The following PGM5 variants were observed in gnomAD, a reference collection of about 807,000 sequenced individuals.
The protein encoded by PGM5 is phosphoglucomutase-like protein 5.
A neutral mutation model predicts 59.2 loss-of-function variants in PGM5; 23 were observed. The ratio of observed to expected loss-of-function variants is 0.39; its 90% CI spans 0.28 to 0.55. PGM5 has a LOEUF of 0.55. Among genes scored for constraint, PGM5 ranks in the 20% least tolerant of loss-of-function variants. The probability of loss-of-function intolerance (pLI) is 0.66; values close to 1 mark genes in which losing one functional copy is unlikely to be tolerated. For missense variants in PGM5, 574 were observed against 748.3 expected (o/e 0.77, Z 2.72); for synonymous variants, 214 against 286.0 (o/e 0.75, Z 2.54).
intron 1 of PGM5, among the ~76,000 whole-genome samples, chr9:68,362,447 T>C (rs1834594063): frequency 6.6e-6 from 1 of 152,258 alleles, no homozygotes; most frequent in Admixed American, 6.5e-5. Context: ...AACTTACATT[T>C]AAAAATTCCC....
rs376664066 is a variant in PGM5 at position 68,489,071 on chromosome 9, T to G, written c.1479+5023T>G. 3.1e-4 allele frequency among the ~76,000 whole-genome samples: 47 copies of G among 152,296 alleles called. 1 individual carries two copies. In the South Asian group the frequency reaches 7.9e-3, roughly 25 times the overall value. ...TTTCCATCCATCATGCTAGGTGAGC[T>G]CTTTCTTCCCTTCACCATCGATACC... On this transcript the variant is annotated intron_variant, in intron 9 of 10. Transcript: ENST00000396396.
chr9:68,362,895 G>T, intron 1 of PGM5, among the ~76,000 whole-genome samples: 1 of 119,796 alleles, frequency 8.3e-6, no homozygotes. Flanking sequence ...TTGAGATGGA[G>T]TCTTGCTCTG....
In PGM5 at chr9:68,483,240, A is replaced by G. The variant is rs997253145; in HGVS notation, c.1296-625A>G. Among the ~76,000 whole-genome samples the G allele has an allele frequency of 5.9e-5, 9 of 152,374 alleles. No homozygotes were observed. The South Asian group carries it at 1.9e-3, about 32-fold the overall frequency. On this transcript the variant is annotated intron_variant, in intron 8 of 10. Coordinates refer to ENST00000396396, the MANE Select transcript of PGM5 (RefSeq NM_021965.4). Reference sequence around the variant, plus strand: ...GTAAACAAATATACAAACAAGATACATACAGTTTGGGATAACTACCAAAAG... The same window carrying G: ...GTAAACAAATATACAAACAAGATACGTACAGTTTGGGATAACTACCAAAAG...
At chr9:68,529,471 G>A in intron 10 of PGM5, 96 bp from the exon 11 acceptor site, 14 of 837,772 alleles carry the variant, frequency 1.7e-5, no homozygotes. Context: ...CAGTGAATTG[G>A]AATCTGAGTC....
At chr9:68,444,384 T>C (rs1554683888) in intron 6 of PGM5, among the ~76,000 whole-genome samples, 1 of 152,174 alleles carries the variant, frequency 6.6e-6, no homozygotes, top group African/African-American at 2.4e-5. Context: ...CAAGTAGAAT[T>C]ATTGGGGTGC....
chr9:68,498,294 G>A (rs182618100), intron 9 of PGM5: 1 of 152,166 alleles, frequency 6.6e-6, no homozygotes, highest in Admixed American at 6.5e-5. Flanking sequence ...GTTTATAGAT[G>A]CAGTCACCCC....
chr9:68,483,229 A>G (rs1587206695), intron 8 of PGM5, among the ~76,000 whole-genome samples: 1 of 152,230 alleles, frequency 6.6e-6, no homozygotes, highest in East Asian at 1.9e-4. Flanking sequence ...ACAAATATAC[A>G]AACAAGATAC....
chr9:68,376,821 C>CTTTCTG (rs1554677772), intron 1 of PGM5, among the ~76,000 whole-genome samples: 1 of 111,176 alleles, frequency 9.0e-6, no homozygotes, highest in African/African-American at 3.7e-5. Context: ...TTCTTTCTTT[C>CTTTCTG]TTTCTTTCTT....
chr9:68,371,705 T>C (rs1370768482), intron 1 of PGM5: 1 of 152,146 alleles, frequency 6.6e-6, no homozygotes, highest in Admixed American at 6.5e-5. Context: ...TCAAGTTGAG[T>C]GCTTTTTCTT....
chr9:68,382,231 A>G (rs1368852826), intron 2 of PGM5, among the ~76,000 whole-genome samples: 1 of 150,320 alleles, frequency 6.7e-6, no homozygotes, highest in Non-Finnish European at 1.5e-5. Flanking sequence ...TATATAGTCA[A>G]GTAATTTTGG....
chr9:68,528,181 CCCAAACT>C (rs1415265211), intron 10 of PGM5, among the ~76,000 whole-genome samples: 6 of 152,172 alleles, frequency 3.9e-5, no homozygotes, highest in African/African-American at 1.2e-4. Context: ...CCTAATATTA[CCCAAACT>C]TCTTTTCTAT....
At chr9:68,484,862 G>A (rs1337289057) in intron 9 of PGM5, among the ~76,000 whole-genome samples, 4 of 152,134 alleles carry the variant, frequency 2.6e-5, no homozygotes, top group African/African-American at 7.2e-5. Context: ...TTGAGCCCCC[G>A]TGCCCTGGAT....
intron 1 of PGM5, chr9:68,357,822 A>G: frequency 4.0e-6 from 1 of 250,540 alleles, no homozygotes; most frequent in Non-Finnish European, 7.8e-6. Context: ...CAGGCTCACA[A>G]CATAGTCCCT....
intron 10 of PGM5, among the ~76,000 whole-genome samples, chr9:68,514,097 C>T (rs980516913): frequency 4.6e-5 from 7 of 152,162 alleles, no homozygotes; most frequent in Non-Finnish European, 7.3e-5. Context: ...AATCTCGGGC[C>T]CCAACCCAGA....
chr9:68,528,433 C>A (rs1279606739), intron 10 of PGM5, among the ~76,000 whole-genome samples: 1 of 151,982 alleles, frequency 6.6e-6, no homozygotes, highest in Middle Eastern at 3.2e-3. Context: ...TGTAGAGATG[C>A]GGTCTATGTT....
chr9:68,486,165 A>G (rs1175329955), intron 9 of PGM5, among the ~76,000 whole-genome samples: 3 of 152,214 alleles, frequency 2.0e-5, no homozygotes, highest in African/African-American at 4.8e-5. Context: ...ATAACCATTA[A>G]GTACCTTGGT....
intron 6 of PGM5, among the ~76,000 whole-genome samples, chr9:68,456,299 T>C (rs1347108478): frequency 6.7e-6 from 1 of 149,048 alleles, no homozygotes; most frequent in Admixed American, 6.6e-5. Context: ...TTTTTTTTTC[T>C]TTTTTTTTGG....
intron 6 of PGM5, among the ~76,000 whole-genome samples, chr9:68,417,591 G>A (rs1233810965): frequency 6.6e-6 from 1 of 152,090 alleles, no homozygotes; most frequent in Admixed American, 6.6e-5. Context: ...AGTATATTGA[G>A]AAGTAAAATT....
chr9:68,422,705 A>C (rs932514391), intron 6 of PGM5, among the ~76,000 whole-genome samples: 1 of 152,214 alleles, frequency 6.6e-6, no homozygotes, highest in African/African-American at 2.4e-5. Flanking sequence ...TGATAAAAGC[A>C]GTCTGCAAAG....
Sources: gnomAD v4.1 joint callset for allele counts (sites outside exome capture counted in the v4.1 genomes callset) on GRCh38, gnomAD v4.1.1 for gene constraint, MANE v1.5 for transcripts, NCBI Gene and HGNC (gene_info 2026-07-23, HGNC 2026-07-21) for gene names.